The following NCKAP5 variants were observed in gnomAD, a reference collection of about 807,000 sequenced individuals.
The protein encoded by NCKAP5 is NCK associated protein 5, also known as nck-associated protein 5.
A neutral mutation model predicts 167.0 loss-of-function variants in NCKAP5; 92 were observed. That is an observed-to-expected ratio of 0.55 (90% CI 0.47 to 0.66). The LOEUF (loss-of-function observed/expected upper bound fraction) is 0.66, where lower values mean the gene tolerates loss of function less well. Among genes scored for constraint, NCKAP5 ranks in the 30% least tolerant of loss-of-function variants. NCKAP5 has a pLI of 0.00. For missense variants in NCKAP5, 2,378 were observed against 2,315.0 expected, an observed-to-expected ratio of 1.03 and a Z score of -0.56; for synonymous variants, 891 against 877.4, an observed-to-expected ratio of 1.02 and a Z score of -0.27.
In NCKAP5 at chr2:132,724,281, G is replaced by C. The variant is rs1382077046; in HGVS notation, c.5713+1346C>G. ...TCTGTAGCACTCATCTCCCATGAACGAACTATATACATTTACTTGTTTATG... is the reference window on the plus strand; with the variant it reads ...TCTGTAGCACTCATCTCCCATGAACCAACTATATACATTTACTTGTTTATG... On this transcript the variant is annotated intron_variant, in intron 19 of 19. Transcript: ENST00000409261. 3.3e-5 allele frequency among the ~76,000 whole-genome samples: 5 copies of C among 152,068 alleles called. No individual in the cohort carries two copies. In the East Asian group the frequency reaches 9.6e-4, roughly 29 times the overall value.
At chr2:133,034,910 A>C (rs915496983) in intron 6 of NCKAP5, among the ~76,000 whole-genome samples, 3 of 152,004 alleles carry the variant, frequency 2.0e-5, no homozygotes, top group Non-Finnish European at 4.4e-5. Context: ...CAAAGTCCTT[A>C]CTTGTCAATA....
At chr2:133,418,276 T>C (rs1689249014) in intron 3 of NCKAP5, among the ~76,000 whole-genome samples, 2 of 152,196 alleles carry the variant, frequency 1.3e-5, no homozygotes. Context: ...CTGATTCCAG[T>C]TCTGCAGCTA....
intron 8 of NCKAP5, among the ~76,000 whole-genome samples, chr2:132,927,061 CAG>C (rs1461347858): frequency 2.0e-5 from 3 of 152,062 alleles, no homozygotes; most frequent in Admixed American, 1.3e-4. Context: ...TGGTGAGAGA[CAG>C]GGGTCCAATT....
rs2148788483 is a variant in NCKAP5 at position 132,874,114 on chromosome 2, T to TC, written c.648+4733_648+4734insG. ...CTTTCAAGACCTTGATTTTTTTTTT[T>TC]TTTTTTTTTTTTGAGATGGAGTCTC... On this transcript the variant is annotated intron_variant, in intron 9 of 19. Coordinates refer to ENST00000409261, the MANE Select transcript of NCKAP5 (RefSeq NM_207363.3). Among the ~76,000 whole-genome samples the TC allele has an allele frequency of 1.4e-5, 2 of 147,420 alleles. 1 individual carries two copies. Among genetic ancestry groups the TC allele is most frequent in the South Asian group, 4.5e-4 (2 of 4,446 alleles).
intron 15 of NCKAP5, among the ~76,000 whole-genome samples, chr2:132,778,579 T>A (rs1050258658): frequency 6.6e-6 from 1 of 152,168 alleles, no homozygotes; most frequent in African/African-American, 2.4e-5. Context: ...CAAACAGTGG[T>A]TTTATTTAGA....
intron 6 of NCKAP5, among the ~76,000 whole-genome samples, chr2:133,125,038 C>G (rs2082357730): frequency 6.6e-6 from 1 of 151,764 alleles, no homozygotes; most frequent in African/African-American, 2.4e-5. Flanking sequence ...CTGAGCCAGA[C>G]CCTGTCTCAA....
intron 3 of NCKAP5, among the ~76,000 whole-genome samples, chr2:133,474,146 ATC>A (rs1559511699): frequency 0.01 from 1,496 of 147,014 alleles, 18 homozygotes; most frequent in African/African-American, 0.037. Flanking sequence ...CTATCTATCT[ATC>A]TATCTATACA....
chr2:133,251,147 C>T (rs1038234190), intron 4 of NCKAP5, among the ~76,000 whole-genome samples: 3 of 151,714 alleles, frequency 2.0e-5, no homozygotes, highest in African/African-American at 4.8e-5. Context: ...ACTGTTTACA[C>T]AGCATTTACA....
chr2:133,086,910 C>T (rs371395467), intron 6 of NCKAP5, among the ~76,000 whole-genome samples: 64 of 152,150 alleles, frequency 4.2e-4, no homozygotes, highest in African/African-American at 1.5e-3. Flanking sequence ...ATCTATAATA[C>T]AGGTATATAC....
chr2:133,328,257 C>T (rs1312527663), intron 3 of NCKAP5, among the ~76,000 whole-genome samples: 3 of 152,146 alleles, frequency 2.0e-5, no homozygotes, highest in African/African-American at 4.8e-5. Context: ...CCCCCAAATT[C>T]GCTGCGTATC....
chr2:133,114,390 C>T (rs965937148), intron 6 of NCKAP5, among the ~76,000 whole-genome samples: 7 of 152,120 alleles, frequency 4.6e-5, no homozygotes, highest in African/African-American at 1.7e-4. Flanking sequence ...CCTGATCCTC[C>T]CTCCAAATTA....
At position 133,023,022 on chromosome 2, in the gene NCKAP5, A is replaced by G. The variant is rs377002122; in HGVS notation, c.342-28783T>C. 4.9e-4 allele frequency among the ~76,000 whole-genome samples: 74 copies of G among 152,344 alleles called. 1 individual carries two copies. The South Asian group carries it at 0.014, about 30-fold the overall frequency. On this transcript the variant is annotated intron_variant, in intron 6 of 19. Transcript: ENST00000409261. The stretch of plus-strand genomic sequence containing the variant: ...CCAACAGCAAATGAGCTTGGAAGCC[A>G]GTCCTTCTCCAGTGGAGCCTCGAGG...
At chr2:133,640,494 T>C in the NCKAP5 span, among the ~76,000 whole-genome samples, 1 of 152,262 alleles carries the variant, frequency 6.6e-6, no homozygotes, top group African/African-American at 2.4e-5. Context: ...ACTAGGGAGG[T>C]GAACTATAAC....
At chr2:132,837,389 A>C (rs1021966421) in intron 11 of NCKAP5, among the ~76,000 whole-genome samples, 2 of 151,596 alleles carry the variant, frequency 1.3e-5, no homozygotes, top group Non-Finnish European at 2.9e-5. Context: ...TGATCCTTTA[A>C]TTTCTTTAGT....
intron 12 of NCKAP5, among the ~76,000 whole-genome samples, chr2:132,794,987 C>T (rs1376575843): frequency 2.0e-5 from 3 of 152,200 alleles, no homozygotes; most frequent in Non-Finnish European, 2.9e-5. Context: ...GCCAAAGGAA[C>T]AGAGATCTTA....
chr2:133,204,811 G>A (rs1038448991), intron 5 of NCKAP5, among the ~76,000 whole-genome samples: 2 of 152,186 alleles, frequency 1.3e-5, no homozygotes, highest in East Asian at 1.9e-4. Context: ...TGGGCATGGG[G>A]TGCTAACCCA....
chr2:133,024,626 A>G (rs1352621876), intron 6 of NCKAP5, among the ~76,000 whole-genome samples: 2 of 152,232 alleles, frequency 1.3e-5, no homozygotes, highest in Non-Finnish European at 2.9e-5. Context: ...TGAAAACAAC[A>G]GCTGTGGAAG....
chr2:132,934,360 G>C (rs568756524), intron 8 of NCKAP5, among the ~76,000 whole-genome samples: 1 of 152,264 alleles, frequency 6.6e-6, no homozygotes, highest in East Asian at 1.9e-4. Context: ...ATCACTTGAG[G>C]TCAGGAGTTT....
At chr2:133,254,203 C>A (rs1284002882) in intron 4 of NCKAP5, among the ~76,000 whole-genome samples, 5 of 152,168 alleles carry the variant, frequency 3.3e-5, no homozygotes, top group Non-Finnish European at 7.3e-5. Context: ...AGAAGTGACA[C>A]AATGCCAGCT....
Sources: allele counts gnomAD v4.1 joint callset (sites outside exome capture counted in the v4.1 genomes callset), GRCh38; gene constraint gnomAD v4.1.1; transcripts MANE v1.5; gene names NCBI Gene and HGNC (gene_info 2026-07-23, HGNC 2026-07-21).